The following PARD3B variants were observed in gnomAD, a reference collection of about 807,000 sequenced individuals.
The protein encoded by PARD3B is par-3 family cell polarity regulator beta.
Under a neutral mutation model 130.2 loss-of-function variants are expected in PARD3B, and 103 were observed. The ratio of observed to expected loss-of-function variants is 0.79; its 90% CI spans 0.67 to 0.93. The LOEUF (loss-of-function observed/expected upper bound fraction) is 0.93, where lower values mean the gene tolerates loss of function less well. PARD3B is among the 40% of genes least tolerant of loss of function. The pLI, the probability that PARD3B is intolerant of heterozygous loss-of-function variation, is 0.00. For synonymous variants in PARD3B, 583 were observed against 553.2 expected (o/e 1.05, Z -0.76); for missense variants, 1,609 against 1,499.2 (o/e 1.07, Z -1.21).
At chr2:204,594,738 A>G (rs985663020) in intron 1 of PARD3B, among the ~76,000 whole-genome samples, 1 of 151,988 alleles carries the variant, frequency 6.6e-6, no homozygotes, top group African/African-American at 2.4e-5. Context: ...TGGTTATTTT[A>G]TTCTCTGAAC....
intron 4 of PARD3B, among the ~76,000 whole-genome samples, chr2:205,102,465 C>G (rs542119731): frequency 6.6e-6 from 1 of 151,922 alleles, no homozygotes; most frequent in Admixed American, 6.6e-5. Flanking sequence ...CCTGTCTCCA[C>G]TTATCTGTAA....
intron 15 of PARD3B, among the ~76,000 whole-genome samples, chr2:205,210,098 G>A (rs903955625): frequency 2.0e-5 from 3 of 151,976 alleles, no homozygotes; most frequent in South Asian, 2.1e-4. Flanking sequence ...AGTCATGGTG[G>A]CTCATGCCTA....
At chr2:204,733,075 G>A (rs1000000118) in intron 2 of PARD3B, among the ~76,000 whole-genome samples, 1 of 152,044 alleles carries the variant, frequency 6.6e-6, no homozygotes, top group Non-Finnish European at 1.5e-5. Context: ...CCTAGAAGAT[G>A]CTCAGCCTAA....
intron 16 of PARD3B, among the ~76,000 whole-genome samples, chr2:205,249,902 G>T (rs1209013044): frequency 6.8e-6 from 1 of 147,742 alleles, no homozygotes; most frequent in Admixed American, 6.7e-5. Context: ...TTCACTAATT[G>T]AACTCTGACA....
intron 1 of PARD3B, among the ~76,000 whole-genome samples, chr2:204,624,632 G>C (rs1036227866): frequency 6.6e-6 from 1 of 152,036 alleles, no homozygotes; most frequent in African/African-American, 2.4e-5. Context: ...TTCACCTATC[G>C]TGGACATTCT....
chr2:205,444,425 A>G (rs964111419), intron 20 of PARD3B, among the ~76,000 whole-genome samples: 6 of 152,162 alleles, frequency 3.9e-5, no homozygotes, highest in African/African-American at 1.4e-4. Context: ...ACTGTACTCC[A>G]CCCTGGGTGA....
intron 15 of PARD3B, among the ~76,000 whole-genome samples, chr2:205,243,035 A>G (rs13391789): frequency 0.25 from 37,253 of 151,984 alleles, 4,896 homozygotes; most frequent in East Asian, 0.42. Context: ...GCATGGTGGC[A>G]CATGCCTGTA....
At chr2:204,873,150 A>G (rs2045694740) in intron 2 of PARD3B, among the ~76,000 whole-genome samples, 1 of 152,216 alleles carries the variant, frequency 6.6e-6, no homozygotes, top group East Asian at 1.9e-4. Flanking sequence ...TGAGCAGTGA[A>G]GCTCTGCATA....
intron 11 of PARD3B, among the ~76,000 whole-genome samples, chr2:205,164,957 G>C (rs2034721379): frequency 6.6e-6 from 1 of 151,712 alleles, no homozygotes; most frequent in Admixed American, 6.6e-5. Flanking sequence ...CTAGCATTCT[G>C]GTTGTACCCA....
rs1241867485 is a variant in PARD3B, at chr2:205,591,876, A to C, written c.3261-23580A>C. Reference sequence around the variant, plus strand: ...AGCAAAGCCTGAGAAAGAATCTCATAAAAGACAAAGGCAAAGGTTCTGTTG... The same window carrying C: ...AGCAAAGCCTGAGAAAGAATCTCATCAAAGACAAAGGCAAAGGTTCTGTTG... On this transcript the variant is annotated intron_variant, in intron 22 of 22. Transcript: ENST00000406610. This position sits in a 1 kb window ranked among gnomAD's most constrained non-coding sequence, Gnocchi z 4.2. Among the ~76,000 whole-genome samples the C allele has an allele frequency of 6.6e-6, 1 of 152,226 alleles. No homozygotes were observed. Among genetic ancestry groups the C allele is most frequent in the Non-Finnish European group, 1.5e-5 (1 of 68,028 alleles).
At chr2:205,152,786 C>T (rs1356973790) in intron 10 of PARD3B, among the ~76,000 whole-genome samples, 1 of 152,178 alleles carries the variant, frequency 6.6e-6, no homozygotes, top group Non-Finnish European at 1.5e-5. Context: ...CTTTGTCCAG[C>T]TTTGTTCTCT....
At chr2:205,056,422 C>T (rs1427475472) in intron 4 of PARD3B, among the ~76,000 whole-genome samples, 2 of 151,838 alleles carry the variant, frequency 1.3e-5, no homozygotes, top group Non-Finnish European at 2.9e-5. Flanking sequence ...GAGTGTTTTA[C>T]GCTTGTGGAA....
intron 1 of PARD3B, among the ~76,000 whole-genome samples, chr2:204,573,523 C>G (rs1416570400): frequency 1.3e-5 from 2 of 152,134 alleles, no homozygotes; most frequent in Non-Finnish European, 2.9e-5. Flanking sequence ...GAGATGGTTA[C>G]TTGTCCTTTT....
In PARD3B at chr2:205,121,881, C is replaced by G; in HGVS notation, c.1097C>G (p.Ser366Ter). The G allele has an allele frequency of 6.2e-7, 1 of 1,614,058 alleles. No individual in the cohort carries two copies. The highest frequency in any genetic ancestry group is 8.5e-7 in the Non-Finnish European group (1 of 1,180,012). ...CTGGGAGGAAAACCATCCTCTCCCT[C>G]ACTCTCGCCTCTCATGGGATTTGGC... is the stretch of plus-strand genomic sequence containing the variant. ...PRLGGKPSSP[S>*]LSPLMGFGSN... Residue 366 changes from serine (S) to a stop codon, truncating the protein, a stop_gained, in exon 8 of 23, where the codon TCA becomes TGA. Transcript: ENST00000406610. LOFTEE classifies it high-confidence loss of function. This position sits in a 1 kb window ranked among gnomAD's most constrained non-coding sequence, Gnocchi z 5.0.
rs71410805 is a variant in PARD3B at position 205,183,730 on chromosome 2, TTG to T, written c.1925-1991_1925-1990del. On this transcript the variant is annotated intron_variant, in intron 13 of 22. Transcript: ENST00000406610. This position sits in a 1 kb window ranked among gnomAD's most constrained non-coding sequence, Gnocchi z 5.2. ...GGTTCTGCAGAGAAACAGAACCAAG[TTG>T]TGTGTGTGTGTGTGTGTGTGTGTGT... Among the ~76,000 whole-genome samples, 12,847 of 138,102 alleles carry T rather than the reference TTG, an allele frequency of 0.093. 567 individuals carry two copies. The highest frequency in any genetic ancestry group is 0.099 in the African/African-American group (3,667 of 37,130). 90.6% of individuals were successfully genotyped at this position (138,102 alleles called of 152,430 possible). A position where few individuals can be genotyped will look rare whatever the true frequency, so the allele number is the denominator to read the frequency against.
Position 205,300,594 on chromosome 2 carries a change from G to A in PARD3B, c.2250G>A (p.Leu750=). Residue 750 remains leucine, a synonymous_variant, in exon 17 of 23, where the codon CTG becomes CTA. Transcript: ENST00000406610. The surrounding 1 kb of genome is among the most constrained non-coding windows in gnomAD (Gnocchi z 4.1). The part of the protein sequence containing the change: ...GLKKSSSLES[L]QTAVAEVRKN... ...AAAAGTCCAGCTCCTTGGAGAGTCT[G>A]CAGACTGCAGTGGCCGAGGTCAGGA... 2 of 1,613,926 alleles carry A rather than the reference G, an allele frequency of 1.2e-6. No homozygotes were observed. Among genetic ancestry groups the A allele is most frequent in the Non-Finnish European group, 1.7e-6 (2 of 1,180,000 alleles).
intron 2 of PARD3B, among the ~76,000 whole-genome samples, chr2:204,931,788 G>A (rs908709572): frequency 1.3e-5 from 2 of 152,022 alleles, no homozygotes; most frequent in Non-Finnish European, 2.9e-5. Flanking sequence ...TCCAAACTAA[G>A]AGTGGGGGGC....
At position 204,673,241 on chromosome 2, in the gene PARD3B, A is replaced by G. The variant is rs550740127; in HGVS notation, c.121-12940A>G. Among the ~76,000 whole-genome samples the G allele has an allele frequency of 2.6e-5, 4 of 152,336 alleles. No individual in the cohort carries two copies. The highest frequency in any genetic ancestry group is 1.3e-4 in the Admixed American group (2 of 15,298). ...AAAAACCATCTGAGATGCAAATAAC[A>G]TGTAAGTCCCTTCTTCTTCCTTTCT... On this transcript the variant is annotated intron_variant, in intron 1 of 22. Coordinates refer to ENST00000406610, the MANE Select transcript of PARD3B (RefSeq NM_001302769.2). The surrounding 1 kb of genome is among the most constrained non-coding windows in gnomAD (Gnocchi z 4.7).
At chr2:204,857,556 T>C (rs1254674716) in intron 2 of PARD3B, among the ~76,000 whole-genome samples, 3 of 152,146 alleles carry the variant, frequency 2.0e-5, no homozygotes, top group African/African-American at 7.2e-5. Context: ...CAGAGAGACC[T>C]GTGTATTTTT....
Sources: allele counts gnomAD v4.1 joint callset (sites outside exome capture counted in the v4.1 genomes callset), GRCh38; gene constraint gnomAD v4.1.1; non-coding constraint Gnocchi (gnomAD v3.1); transcripts MANE v1.5; gene names NCBI Gene and HGNC (gene_info 2026-07-23, HGNC 2026-07-21).